Variants in KDM5A observed in about 807,000 individuals in gnomAD.
KDM5A encodes the protein lysine-specific demethylase 5A.
In KDM5A, 42 loss-of-function variants were observed where a neutral mutation model predicts 193.5. The observed-to-expected ratio is 0.22, with a 90% CI of 0.17 to 0.28. The LOEUF is 0.28. KDM5A is among the 10% of genes least tolerant of loss of function. The pLI is 1.00. For synonymous variants in KDM5A, 796 were observed against 718.1 expected, an observed-to-expected ratio of 1.11 and a Z score of -1.73; for missense variants, 1,692 against 2,055.1, an observed-to-expected ratio of 0.82 and a Z score of 3.42.
chr12:380,720 CT>C lies in KDM5A; in HGVS notation c.366+3310del, dbSNP rs951622944. 7.4e-5 allele frequency among the ~76,000 whole-genome samples: 11 copies of C among 148,904 alleles called. No homozygotes were observed. The East Asian group carries it at 2.2e-3, about 29-fold the overall frequency. On this transcript the variant is annotated intron_variant, in intron 3 of 27. Transcript: ENST00000399788. Reference sequence around the variant, plus strand: ...TCTGGGCAAAAGAGTGAGACTCTGTCTAAAAAAAAAAAGTAGAAAGAGCTTC... The same window carrying C: ...TCTGGGCAAAAGAGTGAGACTCTGTCAAAAAAAAAAAGTAGAAAGAGCTTC...
intron 3 of KDM5A, 76 bp downstream of exon 3, chr12:383,955 G>A: frequency 6.8e-7 from 1 of 1,460,720 alleles, no homozygotes; most frequent in Non-Finnish European, 9.6e-7. Context: ...TGGAAGCAAT[G>A]TTTCCTACCA....
chr12:389,107 G>T lies in KDM5A; in HGVS notation c.-16C>A, dbSNP rs746437659. The T allele has an allele frequency of 4.9e-5, 76 of 1,543,342 alleles. No individual in the cohort carries two copies. The Middle Eastern group carries it at 1.6e-3, about 33-fold the overall frequency. ...CGCCCGCCATTGCAACGGCCGGGGGGGGGGGGGGGTCCCCGTGGGGAACCG... is the reference window on the plus strand; with the variant it reads ...CGCCCGCCATTGCAACGGCCGGGGGTGGGGGGGGGTCCCCGTGGGGAACCG... On this transcript the variant is annotated 5_prime_UTR_variant, in exon 1 of 28. Transcript: ENST00000399788.
intron 5 of KDM5A, among the ~76,000 whole-genome samples, chr12:358,868 A>C (rs1944258985): frequency 6.6e-6 from 1 of 152,152 alleles, no homozygotes; most frequent in Non-Finnish European, 1.5e-5. Context: ...GCTACTCACA[A>C]GGCTGAGGCA....
chr12:340,418 G>A (rs981849566), intron 10 of KDM5A, among the ~76,000 whole-genome samples: 14 of 151,994 alleles, frequency 9.2e-5, no homozygotes, highest in African/African-American at 3.4e-4. Context: ...ATTATCAGTC[G>A]GGCACAGTGG....
chr12:292,142 G>A (rs1231327264), intron 27 of KDM5A, among the ~76,000 whole-genome samples: 1 of 152,172 alleles, frequency 6.6e-6, no homozygotes, highest in Non-Finnish European at 1.5e-5. Flanking sequence ...CACCTCAGGT[G>A]ATCCGCCCAC....
At chr12:379,113 A>C (rs1352006407) in intron 3 of KDM5A, among the ~76,000 whole-genome samples, 1 of 152,202 alleles carries the variant, frequency 6.6e-6, no homozygotes, top group Non-Finnish European at 1.5e-5. Context: ...ATGACTCAGA[A>C]GACTGAAAAT....
chr12:352,420 G>T, intron 8 of KDM5A, 96 bp from the exon 9 acceptor site: 1 of 1,142,924 alleles, frequency 8.7e-7, no homozygotes, highest in Non-Finnish European at 1.3e-6. Context: ...ATTTCCCTAG[G>T]TAAAGTAAAT....
chr12:374,259 G>C (rs1198918106), intron 3 of KDM5A, among the ~76,000 whole-genome samples: 2 of 152,150 alleles, frequency 1.3e-5, no homozygotes. Flanking sequence ...AGGAATCTGG[G>C]TGCTCCTGTA....
chr12:327,850 G>A (rs567251602), intron 14 of KDM5A, among the ~76,000 whole-genome samples: 3 of 152,142 alleles, frequency 2.0e-5, no homozygotes, highest in Middle Eastern at 3.2e-3. Context: ...CCACCACTAC[G>A]AAAAATTTAA....
chr12:313,302 C>T, intron 19 of KDM5A, 108 bp from the exon 20 acceptor site: 3 of 1,304,638 alleles, frequency 2.3e-6, no homozygotes, highest in Non-Finnish European at 3.3e-6. Flanking sequence ...GAATTCTTAC[C>T]ACAATCCTAT....
chr12:295,708 T>G lies in KDM5A; in HGVS notation c.4320A>C (p.Gly1440=), dbSNP rs750055607. ...TAAGTTCTTCCAGTTGTGCCTTAGC[T>G]CCAGGTGACAACTCCAGCACTGGAG... is the stretch of plus-strand genomic sequence containing the variant. ...LEPPVLELSP[G]AKAQLEELMM... The change falls in exon 26 of 28, where the codon GGA becomes GGC. Residue 1440 remains glycine, a synonymous_variant. Coordinates refer to ENST00000399788, the MANE Select transcript of KDM5A (RefSeq NM_001042603.3). 6.2e-7 allele frequency: 1 copy of G among 1,614,032 alleles called. No homozygotes were observed. Among genetic ancestry groups the G allele is most frequent in the South Asian group, 1.1e-5 (1 of 91,082 alleles).
chr12:316,335 G>GTAC (rs1943650383), intron 19 of KDM5A, among the ~76,000 whole-genome samples: 1 of 152,076 alleles, frequency 6.6e-6, no homozygotes, highest in African/African-American at 2.4e-5. Flanking sequence ...AGAGATCTTT[G>GTAC]AGTGTCTTGT....
In KDM5A at chr12:306,332, A is replaced by T. The variant is rs569530627; in HGVS notation, c.4074+614T>A. 2.9e-3 allele frequency among the ~76,000 whole-genome samples: 447 copies of T among 152,318 alleles called. 2 individuals carry two copies. The highest frequency in any genetic ancestry group is 0.01 in the African/African-American group (429 of 41,562). The stretch of plus-strand genomic sequence containing the variant: ...AGACTTTCACAACTCAAAGAAAAAA[A>T]TCTGAAAAACTGAAATTGGCCAAGA... On this transcript the variant is annotated intron_variant, in intron 24 of 27. Transcript: ENST00000399788.
At chr12:287,021 G>A (rs573475923) in intron 27 of KDM5A, among the ~76,000 whole-genome samples, 3 of 152,108 alleles carry the variant, frequency 2.0e-5, no homozygotes, top group Non-Finnish European at 2.9e-5. Flanking sequence ...CAAGATTACC[G>A]AGAGGATCCA....
chr12:388,994 A>T lies in KDM5A; in HGVS notation c.98T>A (p.Leu33His), dbSNP rs745368888. 8.1e-6 allele frequency: 13 copies of T among 1,613,312 alleles called. No homozygotes were observed. The highest frequency in any genetic ancestry group is 1.0e-5 in the Non-Finnish European group (12 of 1,179,816). ...AGGCCGGATGCGGCCGATAAAGCTGAGCGGATCTGTGAACTCCTCCCAACT... is the reference window on the plus strand; with the variant it reads ...AGGCCGGATGCGGCCGATAAAGCTGTGCGGATCTGTGAACTCCTCCCAACT... The part of the protein sequence containing the change: ...EPSWEEFTDP[L>H]SFIGRIRPLA... Residue 33 changes from leucine to histidine, a missense_variant, in exon 1 of 28, where the codon CTC becomes CAC. By Grantham distance (99) the Leu-to-His change is moderately conservative. Transcript: ENST00000399788.
At chr12:362,334 AG>A (rs1447842761) in intron 5 of KDM5A, among the ~76,000 whole-genome samples, 2 of 152,162 alleles carry the variant, frequency 1.3e-5, no homozygotes, top group Non-Finnish European at 2.9e-5. Flanking sequence ...AAACAGGGGA[AG>A]GGGGGAATCA....
chr12:306,477 T>C (rs552974857), intron 24 of KDM5A, among the ~76,000 whole-genome samples: 14 of 152,206 alleles, frequency 9.2e-5, no homozygotes, highest in Non-Finnish European at 1.9e-4. Flanking sequence ...GCGTGGTGGC[T>C]CAGGCCTGTT....
intron 3 of KDM5A, among the ~76,000 whole-genome samples, chr12:371,368 G>T (rs1944425458): frequency 6.6e-6 from 1 of 152,198 alleles, no homozygotes; most frequent in Non-Finnish European, 1.5e-5. Context: ...GATGGCCAGT[G>T]ATGAGCATTT....
At chr12:317,316 A>T (rs574558509) in intron 19 of KDM5A, among the ~76,000 whole-genome samples, 34 of 152,158 alleles carry the variant, frequency 2.2e-4, no homozygotes, top group African/African-American at 7.9e-4. Flanking sequence ...AATCCTACTC[A>T]TTCCTCAAGG....
Sources: gnomAD v4.1 joint callset for allele counts (sites outside exome capture counted in the v4.1 genomes callset) on GRCh38, gnomAD v4.1.1 for gene constraint, MANE v1.5 for transcripts, NCBI Gene and HGNC (gene_info 2026-07-23, HGNC 2026-07-21) for gene names.